Variants in COBL observed in about 807,000 individuals in gnomAD.
COBL encodes protein cordon-bleu.
Under a neutral mutation model 98.8 loss-of-function variants are expected in COBL, and 51 were observed. That is an observed-to-expected ratio of 0.52 (90% CI 0.41 to 0.65). The LOEUF (loss-of-function observed/expected upper bound fraction) is 0.65, where lower values mean the gene tolerates loss of function less well. Ranked by LOEUF, COBL falls within the 30% of genes least tolerant of loss-of-function variation. The pLI is 0.00. For synonymous variants in COBL, 634 were observed against 651.7 expected (o/e 0.97, Z 0.41); for missense variants, 1,617 against 1,617.5 (o/e 1.00, Z 0.01).
intron 1 of COBL, among the ~76,000 whole-genome samples, chr7:51,248,245 T>C (rs564499352): frequency 6.6e-6 from 1 of 152,348 alleles, no homozygotes; most frequent in African/African-American, 2.4e-5. Context: ...AAACGATTCA[T>C]ATCATAAAAC....
At chr7:51,104,422 A>AG in intron 6 of COBL, among the ~76,000 whole-genome samples, 2 of 152,342 alleles carry the variant, frequency 1.3e-5, no homozygotes, top group South Asian at 4.1e-4. Context: ...GCCAGATTGC[A>AG]GGGCTTAGAG....
intron 5 of COBL, among the ~76,000 whole-genome samples, chr7:51,138,101 T>C (rs1199875681): frequency 6.6e-6 from 1 of 152,176 alleles, no homozygotes; most frequent in Non-Finnish European, 1.5e-5. Flanking sequence ...ACGCCATTAG[T>C]GCTTCCCTGC....
intron 6 of COBL, among the ~76,000 whole-genome samples, chr7:51,119,245 G>T (rs995999936): frequency 6.6e-6 from 1 of 152,008 alleles, no homozygotes; most frequent in Non-Finnish European, 1.5e-5. Flanking sequence ...ACCTAATCTA[G>T]GTTCTCATTA....
intron 4 of COBL, chr7:51,187,825 C>T: frequency 9.3e-7 from 1 of 1,073,460 alleles, no homozygotes; most frequent in Non-Finnish European, 1.2e-6. Context: ...GAGTCTGGCA[C>T]AAAAACATCA....
intron 6 of COBL, among the ~76,000 whole-genome samples, chr7:51,129,850 A>G (rs1445026061): frequency 2.6e-5 from 4 of 152,184 alleles, no homozygotes; most frequent in Non-Finnish European, 5.9e-5. Context: ...GCTTTAAAGC[A>G]TGACATGACC....
chr7:51,308,235 T>C (rs952376772), intron 1 of COBL, among the ~76,000 whole-genome samples: 1 of 152,196 alleles, frequency 6.6e-6, no homozygotes, highest in South Asian at 2.1e-4. Context: ...ACTAAAAAAT[T>C]AGCCACATGA....
At chr7:51,172,247 T>C (rs570276218) in intron 5 of COBL, among the ~76,000 whole-genome samples, 3 of 152,260 alleles carry the variant, frequency 2.0e-5, no homozygotes, top group East Asian at 1.9e-4. Context: ...GACTGGCAAA[T>C]AGAAAAGTAG....
intron 7 of COBL, among the ~76,000 whole-genome samples, chr7:51,054,063 C>G (rs1186559725): frequency 6.6e-6 from 1 of 152,104 alleles, no homozygotes; most frequent in Non-Finnish European, 1.5e-5. Flanking sequence ...TGCCTGTAAT[C>G]CCAGCTACTC....
At position 51,027,921 on chromosome 7, in the gene COBL, CT is replaced by C; in HGVS notation, c.3174del (p.Glu1059LysfsTer6). On this transcript the variant is annotated frameshift_variant, in exon 10 of 13. Transcript: ENST00000265136. LOFTEE classifies it high-confidence loss of function. ...EPSHPPGGSG[T>X]ESHILLEREE... is the part of the protein sequence containing the mutation. ...TCTCTTTCTAGGAGAATGTGGCTTT[CT>C]GTGCCAGACCCTCCTGGAGGGTGGG... 6.2e-7 allele frequency: 1 copy of C among 1,614,002 alleles called. No homozygotes were observed. The highest frequency in any genetic ancestry group is 8.5e-7 in the Non-Finnish European group (1 of 1,179,946).
intron 1 of COBL, among the ~76,000 whole-genome samples, chr7:51,235,572 C>T (rs1795182046): frequency 6.6e-6 from 1 of 152,158 alleles, no homozygotes; most frequent in Admixed American, 6.5e-5. Context: ...ATTATATCAC[C>T]TCAGCCTAAA....
At chr7:51,126,305 G>A (rs747057198) in intron 6 of COBL, among the ~76,000 whole-genome samples, 2 of 152,138 alleles carry the variant, frequency 1.3e-5, no homozygotes, top group Non-Finnish European at 2.9e-5. Context: ...TCCAGCCTGG[G>A]CAACAGAGCG....
chr7:51,246,309 GC>G (rs1487032517), intron 1 of COBL, among the ~76,000 whole-genome samples: 8 of 152,188 alleles, frequency 5.3e-5, no homozygotes, highest in Non-Finnish European at 1.0e-4. Context: ...ATCTCCATCA[GC>G]AGGGGCCGCC....
chr7:51,134,987 A>T (rs1484279928), intron 6 of COBL, among the ~76,000 whole-genome samples: 1 of 137,874 alleles, frequency 7.3e-6, no homozygotes, highest in Non-Finnish European at 1.7e-5. Flanking sequence ...TTTGAGACAG[A>T]GTTTCTCTCT....
At chr7:51,272,077 T>C (rs774762523) in intron 1 of COBL, among the ~76,000 whole-genome samples, 15 of 152,174 alleles carry the variant, frequency 9.9e-5, no homozygotes, top group Non-Finnish European at 2.1e-4. Context: ...ATTCTGGACA[T>C]GGCCCTCTAT....
intron 1 of COBL, among the ~76,000 whole-genome samples, chr7:51,231,099 T>C (rs1794700256): frequency 6.6e-6 from 1 of 152,230 alleles, no homozygotes; most frequent in South Asian, 2.1e-4. Flanking sequence ...CTTTGGGTTG[T>C]ATTTGGGATA....
intron 8 of COBL, among the ~76,000 whole-genome samples, chr7:51,038,177 A>T (rs1312355626): frequency 6.6e-6 from 1 of 152,152 alleles, no homozygotes; most frequent in African/African-American, 2.4e-5. Context: ...AAGCATTCAC[A>T]CTTGCTCTTC....
chr7:51,188,047 AGGGG>A, intron 4 of COBL: 1 of 1,057,296 alleles, frequency 9.5e-7, no homozygotes, highest in Non-Finnish European at 1.2e-6. Flanking sequence ...CAAGCCTCAG[AGGGG>A]GGCTGTCCTG....
At chr7:51,065,361 C>T (rs1259923007) in intron 7 of COBL, 2 of 703,660 alleles carry the variant, frequency 2.8e-6, no homozygotes, top group Non-Finnish European at 5.2e-6. Context: ...CCTCACTCAT[C>T]CACAGGGTTC....
intron 1 of COBL, among the ~76,000 whole-genome samples, chr7:51,228,907 T>A (rs1431604362): frequency 6.6e-6 from 1 of 151,648 alleles, no homozygotes; most frequent in Non-Finnish European, 1.5e-5. Context: ...AAAAAGGATA[T>A]CTCCTTCAAA....
Sources: allele counts gnomAD v4.1 joint callset (sites outside exome capture counted in the v4.1 genomes callset), GRCh38; gene constraint gnomAD v4.1.1; transcripts MANE v1.5; gene names NCBI Gene and HGNC (gene_info 2026-07-23, HGNC 2026-07-21).